Variants in C1orf21 observed in about 807,000 individuals in gnomAD.
The protein encoded by C1orf21 is chromosome 1 open reading frame 21.
A neutral mutation model predicts 18.7 loss-of-function variants in C1orf21; 3 were observed. That is an observed-to-expected ratio of 0.16 (90% CI 0.07 to 0.42). The LOEUF is 0.42. Among genes scored for constraint, C1orf21 ranks in the 10% least tolerant of loss-of-function variants. The probability of loss-of-function intolerance (pLI) is 0.99; values close to 1 mark genes in which losing one functional copy is unlikely to be tolerated. For missense variants in C1orf21, 104 were observed against 143.6 expected, an observed-to-expected ratio of 0.72 and a Z score of 1.41; for synonymous variants, 41 against 46.4, an observed-to-expected ratio of 0.88 and a Z score of 0.47.
chr1:184,394,561 T>C (rs773164588), intron 1 of C1orf21, among the ~76,000 whole-genome samples: 1 of 152,186 alleles, frequency 6.6e-6, no homozygotes, highest in Admixed American at 6.5e-5. Context: ...CAAGGAGGTC[T>C]AGTAGAGCCC....
intron 5 of C1orf21, among the ~76,000 whole-genome samples, chr1:184,608,406 C>T (rs906925513): frequency 1.3e-5 from 2 of 152,200 alleles, no homozygotes; most frequent in Non-Finnish European, 2.9e-5. Flanking sequence ...TCAGGAAGTG[C>T]TAACATATGG....
chr1:184,522,271 T>G (rs773891901), intron 3 of C1orf21, among the ~76,000 whole-genome samples: 1 of 152,210 alleles, frequency 6.6e-6, no homozygotes, highest in African/African-American at 2.4e-5. Flanking sequence ...TACATGTATT[T>G]ATACATGTGT....
chr1:184,412,068 T>TG (rs1219030754), intron 1 of C1orf21: 3 of 152,234 alleles, frequency 2.0e-5, no homozygotes, highest in Non-Finnish European at 4.4e-5. Flanking sequence ...ATTACATCAT[T>TG]GGGGGGTTTT....
chr1:184,576,076 A>G (rs1365481677), intron 3 of C1orf21, among the ~76,000 whole-genome samples: 1 of 152,006 alleles, frequency 6.6e-6, no homozygotes, highest in African/African-American at 2.4e-5. Flanking sequence ...AGGTAAACCA[A>G]CATATCACTT....
chr1:184,509,185 G>A (rs1199534680), intron 3 of C1orf21, among the ~76,000 whole-genome samples: 2 of 152,100 alleles, frequency 1.3e-5, no homozygotes, highest in African/African-American at 4.8e-5. Flanking sequence ...GCAACACCTT[G>A]TATAGTTTGT....
At chr1:184,411,702 G>A (rs1478391315) in intron 1 of C1orf21, among the ~76,000 whole-genome samples, 2 of 152,276 alleles carry the variant, frequency 1.3e-5, no homozygotes, top group South Asian at 2.1e-4. Context: ...GATTGCAGGC[G>A]TGAGCCACCG....
intron 1 of C1orf21, among the ~76,000 whole-genome samples, chr1:184,443,354 T>C (rs746154300): frequency 6.6e-6 from 1 of 152,198 alleles, no homozygotes; most frequent in Non-Finnish European, 1.5e-5. Context: ...TGGATAGTTA[T>C]CTGGTTTTAA....
intron 1 of C1orf21, among the ~76,000 whole-genome samples, chr1:184,433,321 G>C (rs1403532797): frequency 2.0e-5 from 3 of 152,156 alleles, no homozygotes; most frequent in Non-Finnish European, 4.4e-5. Context: ...TGGATATGTG[G>C]AAGTCTTTCT....
intron 5 of C1orf21, among the ~76,000 whole-genome samples, chr1:184,614,488 G>A (rs1659787965): frequency 6.8e-6 from 1 of 146,804 alleles, no homozygotes; most frequent in African/African-American, 2.5e-5. Context: ...ACCTGACACT[G>A]AATGGCAAGG....
At chr1:184,477,705 A>T (rs1657593817) in intron 2 of C1orf21, 102 bp downstream of exon 2, 1 of 851,230 alleles carries the variant, frequency 1.2e-6, no homozygotes, top group East Asian at 2.7e-5. Flanking sequence ...TGCTTGTGAT[A>T]TTTTGTTACA....
rs10157028 is a variant in C1orf21, at chr1:184,491,481, C to G, written c.94+13878C>G. 6.6e-3 allele frequency among the ~76,000 whole-genome samples: 1,003 copies of G among 152,170 alleles called. 13 individuals carry two copies. Among genetic ancestry groups the G allele is most frequent in the African/African-American group, 0.023 (956 of 41,500 alleles). On this transcript the variant is annotated intron_variant, in intron 2 of 5. Coordinates refer to ENST00000235307, the MANE Select transcript of C1orf21 (RefSeq NM_030806.4). ...TCTCCCACCTTAGCCTCCTAAATAGCTGGGACTACAGGTGCAAGCCCCCCA... is the reference window on the plus strand; with the variant it reads ...TCTCCCACCTTAGCCTCCTAAATAGGTGGGACTACAGGTGCAAGCCCCCCA...
intron 3 of C1orf21, among the ~76,000 whole-genome samples, chr1:184,575,487 G>A (rs1360597912): frequency 6.6e-6 from 1 of 151,628 alleles, no homozygotes; most frequent in East Asian, 1.9e-4. Context: ...TATGAGTAAG[G>A]ACCTAAATTT....
intron 3 of C1orf21, among the ~76,000 whole-genome samples, chr1:184,562,860 G>A (rs1453544911): frequency 6.6e-6 from 1 of 152,194 alleles, no homozygotes; most frequent in African/African-American, 2.4e-5. Context: ...ATTTGCACGT[G>A]TGCTTAATTC....
intron 1 of C1orf21, among the ~76,000 whole-genome samples, chr1:184,449,446 T>C (rs1657087496): frequency 6.6e-6 from 1 of 152,232 alleles, no homozygotes; most frequent in Admixed American, 6.5e-5. Flanking sequence ...ATCCAGCCTA[T>C]CATTGTTGAA....
intron 1 of C1orf21, among the ~76,000 whole-genome samples, chr1:184,469,202 G>A (rs59780308): frequency 0.33 from 49,438 of 152,010 alleles, 10,304 homozygotes; most frequent in African/African-American, 0.6. Context: ...GTGAGCCGAG[G>A]TCGCGCCACT....
chr1:184,537,536 A>G (rs1293691440), intron 3 of C1orf21, among the ~76,000 whole-genome samples: 1 of 152,134 alleles, frequency 6.6e-6, no homozygotes, highest in African/African-American at 2.4e-5. Flanking sequence ...TTTTACTTAC[A>G]TGTTCATCTG....
At chr1:184,490,906 C>T (rs1657806852) in intron 2 of C1orf21, among the ~76,000 whole-genome samples, 1 of 151,574 alleles carries the variant, frequency 6.6e-6, no homozygotes, top group African/African-American at 2.4e-5. Context: ...TATTCTACAT[C>T]CCTTTTTCTA....
rs570503852 is a variant in C1orf21, at chr1:184,438,544, T to C, written c.-124-38842T>C. 3.3e-5 allele frequency among the ~76,000 whole-genome samples: 5 copies of C among 152,274 alleles called. No individual in the cohort carries two copies. The South Asian group carries it at 8.3e-4, about 25-fold the overall frequency. ...AAAATGATCATCTTGGCAAGACACA[T>C]TGGAGTAAATAGACAAGGTTGCTCA... On this transcript the variant is annotated intron_variant, in intron 1 of 5. Transcript: ENST00000235307.
At chr1:184,499,532 G>A (rs56072206) in intron 2 of C1orf21, among the ~76,000 whole-genome samples, 1,683 of 152,240 alleles carry the variant, frequency 0.011, 28 homozygotes, top group African/African-American at 0.037. Context: ...ATCCATGAAG[G>A]CTAGATGTAC....
Sources: allele counts gnomAD v4.1 joint callset (sites outside exome capture counted in the v4.1 genomes callset), GRCh38; gene constraint gnomAD v4.1.1; transcripts MANE v1.5; gene names NCBI Gene and HGNC (gene_info 2026-07-23, HGNC 2026-07-21).